Variants in CR1 observed in about 807,000 individuals in gnomAD.
CR1 encodes complement receptor type 1.
Under a neutral mutation model 187.3 loss-of-function variants are expected in CR1, and 116 were observed. The ratio of observed to expected loss-of-function variants is 0.62; its 90% confidence interval spans 0.53 to 0.72. The LOEUF is 0.72. Among genes scored for constraint, CR1 ranks in the 30% least tolerant of loss-of-function variants. CR1 has a pLI of 0.00. For missense variants in CR1, 1,731 were observed against 2,110.7 expected (o/e 0.82, Z 3.52); for synonymous variants, 576 against 747.1 (o/e 0.77, Z 3.73).
At chr1:207,614,981 G>A (rs1662050823) in intron 40 of CR1, among the ~76,000 whole-genome samples, 2 of 151,844 alleles carry the variant, frequency 1.3e-5, no homozygotes, top group Non-Finnish European at 2.9e-5. Flanking sequence ...GCTAATTTTT[G>A]TACTTTTTGT....
At chr1:207,513,198 C>A (rs1401787532) in intron 4 of CR1, among the ~76,000 whole-genome samples, 4 of 152,182 alleles carry the variant, frequency 2.6e-5, no homozygotes, top group Non-Finnish European at 5.9e-5. Flanking sequence ...AGCCCAATAA[C>A]AATGTCCTCT....
At chr1:207,585,441 A>C (rs554723625) in intron 33 of CR1, among the ~76,000 whole-genome samples, 37 of 152,300 alleles carry the variant, frequency 2.4e-4, no homozygotes, top group Non-Finnish European at 2.2e-4. Flanking sequence ...TGTTCCACTC[A>C]GGGGGTAAGA....
At chr1:207,614,572 G>A in intron 40 of CR1, 83 bp downstream of exon 40, 1 of 1,075,760 alleles carries the variant, frequency 9.3e-7, no homozygotes, top group Non-Finnish European at 1.4e-6. Context: ...ATCACCTGTT[G>A]TCTAGATCTT....
chr1:207,611,553 C>T (rs1232415368), intron 37 of CR1, 124 bp from the exon 38 acceptor site: 12 of 1,401,176 alleles, frequency 8.6e-6, no homozygotes, highest in Non-Finnish European at 1.1e-5. Flanking sequence ...TACTGAACTA[C>T]CAATCTTCTC....
At chr1:207,608,297 T>C (rs1368743784) in intron 36 of CR1, among the ~76,000 whole-genome samples, 2 of 152,192 alleles carry the variant, frequency 1.3e-5, no homozygotes, top group Non-Finnish European at 2.9e-5. Flanking sequence ...AAAGTACATC[T>C]ATGTAGCTAC....
intron 4 of CR1, among the ~76,000 whole-genome samples, chr1:207,516,271 A>G (rs530614232): frequency 9.8e-5 from 15 of 152,312 alleles, no homozygotes; most frequent in African/African-American, 3.6e-4. Flanking sequence ...TTCCTTGCAT[A>G]GTGCAATGCG....
chr1:207,510,796 T>C (rs1232998236), intron 3 of CR1, among the ~76,000 whole-genome samples: 1 of 145,836 alleles, frequency 6.9e-6, no homozygotes, highest in African/African-American at 2.6e-5. Context: ...CCTTCTTTCC[T>C]TCTTTGCTTT....
At chr1:207,627,551 T>G (rs759144645) in intron 45 of CR1, among the ~76,000 whole-genome samples, 1 of 152,240 alleles carries the variant, frequency 6.6e-6, no homozygotes, top group Non-Finnish European at 1.5e-5. Context: ...ATATACCAAC[T>G]GTCTCAGTCT....
At chr1:207,598,324 A>G (rs1363483868) in intron 35 of CR1, among the ~76,000 whole-genome samples, 2 of 152,230 alleles carry the variant, frequency 1.3e-5, no homozygotes, top group Admixed American at 6.5e-5. Flanking sequence ...AACAGATAAC[A>G]GTATAAGAAA....
At chr1:207,630,319 A>G (rs566382439) in intron 45 of CR1, among the ~76,000 whole-genome samples, 198 bp from the exon 46 acceptor site, 2 of 152,354 alleles carry the variant, frequency 1.3e-5, no homozygotes, top group South Asian at 4.1e-4. Context: ...TGATTTTAGT[A>G]TTATTTTCTA....
In CR1 at chr1:207,609,319, T is replaced by A; in HGVS notation, c.5926T>A (p.Ser1976Thr). 1 of 1,613,804 alleles carries A rather than the reference T, an allele frequency of 6.2e-7. No homozygotes were observed. The highest frequency in any genetic ancestry group is 8.5e-7 in the Non-Finnish European group (1 of 1,179,770). Residue 1976 changes from serine (S) to threonine (T), a missense_variant, in exon 37 of 47, where the codon TCC becomes ACC. Coordinates refer to ENST00000367049, the MANE Select transcript of CR1 (RefSeq NM_000651.6). ...ATCTTGTGAGCCACCTCCAACCATA[T>A]CCAATGGAGACTTCTACAGCAACAA... ...IISCEPPPTI[S>T]NGDFYSNNRT...
intron 37 of CR1, among the ~76,000 whole-genome samples, chr1:207,611,036 C>CT (rs879913173): frequency 6.6e-4 from 97 of 146,372 alleles, no homozygotes; most frequent in Middle Eastern, 3.6e-3. Context: ...TTCATTCTTT[C>CT]TTTTTTTTTT....
chr1:207,579,062 T>A lies in CR1; in HGVS notation c.4936+859T>A, dbSNP rs539104686. Among the ~76,000 whole-genome samples the A allele has an allele frequency of 7.2e-5, 11 of 152,348 alleles. No homozygotes were observed. The South Asian group carries it at 2.3e-3, about 32-fold the overall frequency. On this transcript the variant is annotated intron_variant, in intron 29 of 46. Coordinates refer to ENST00000367049, the MANE Select transcript of CR1 (RefSeq NM_000651.6). ...AGTTAAATATTTCTAAATTCATGTT[T>A]AATGAGGTATAGATTAGGTTGATGT... is the stretch of plus-strand genomic sequence containing the variant.
chr1:207,585,516 G>A (rs955329864), intron 33 of CR1, among the ~76,000 whole-genome samples: 3 of 152,270 alleles, frequency 2.0e-5, no homozygotes, highest in Middle Eastern at 3.4e-3. Context: ...TCCTAAGGAG[G>A]GGAAGAAGTT....
chr1:207,603,522 T>C (rs1485346956), intron 35 of CR1, among the ~76,000 whole-genome samples: 1 of 152,186 alleles, frequency 6.6e-6, no homozygotes, highest in Non-Finnish European at 1.5e-5. Context: ...TCCCCACTTT[T>C]TCTCCAAGTA....
At chr1:207,610,932 C>T (rs541169915) in intron 37 of CR1, among the ~76,000 whole-genome samples, 2 of 152,198 alleles carry the variant, frequency 1.3e-5, no homozygotes, top group African/African-American at 4.8e-5. Context: ...CTTTGTGTTA[C>T]AAATAATCCA....
At chr1:207,596,287 C>T (rs1336755945) in intron 35 of CR1, among the ~76,000 whole-genome samples, 2 of 151,978 alleles carry the variant, frequency 1.3e-5, no homozygotes, top group Non-Finnish European at 2.9e-5. Flanking sequence ...CAGATATAAA[C>T]TCCATTGGTA....
chr1:207,582,377 A>G (rs1660984038), intron 32 of CR1, among the ~76,000 whole-genome samples: 1 of 152,270 alleles, frequency 6.6e-6, no homozygotes, highest in Non-Finnish European at 1.5e-5. Context: ...TTCTTTCAAC[A>G]GAAAATTATT....
chr1:207,592,041 T>C lies in CR1; in HGVS notation c.5810+3267T>C, dbSNP rs143274659. 1.6e-3 allele frequency among the ~76,000 whole-genome samples: 243 copies of C among 152,284 alleles called. 1 individual carries two copies. Among genetic ancestry groups the C allele is most frequent in the African/African-American group, 4.6e-3 (192 of 41,554 alleles). On this transcript the variant is annotated intron_variant, in intron 35 of 46. Coordinates refer to ENST00000367049, the MANE Select transcript of CR1 (RefSeq NM_000651.6). Reference sequence around the variant, plus strand: ...ACAAAGAGGAGCTGGTACCATTCCTTCTAAACTATTCCAAACAATAGAAAA... The same window carrying C: ...ACAAAGAGGAGCTGGTACCATTCCTCCTAAACTATTCCAAACAATAGAAAA...
Sources: allele counts gnomAD v4.1 joint callset (sites outside exome capture counted in the v4.1 genomes callset), GRCh38; gene constraint gnomAD v4.1.1; transcripts MANE v1.5; gene names NCBI Gene and HGNC (gene_info 2026-07-23, HGNC 2026-07-21).